The following TG variants were observed in gnomAD, a reference collection of about 807,000 sequenced individuals.
The protein encoded by TG is thyroglobulin.
Under a neutral mutation model 324.7 loss-of-function variants are expected in TG, and 270 were observed. The observed-to-expected ratio is 0.83, with a 90% confidence interval of 0.75 to 0.92. The LOEUF is 0.92. Ranked by LOEUF, TG falls within the 40% of genes least tolerant of loss-of-function variation. The pLI is 0.00. For synonymous variants in TG, 1,401 were observed against 1,327.0 expected, an observed-to-expected ratio of 1.06 and a Z score of -1.21; for missense variants, 3,591 against 3,456.4, an observed-to-expected ratio of 1.04 and a Z score of -0.98.
chr8:132,989,324 T>A (rs1011694331), intron 35 of TG, among the ~76,000 whole-genome samples: 12 of 152,194 alleles, frequency 7.9e-5, no homozygotes, highest in Non-Finnish European at 1.6e-4. Flanking sequence ...ACACAGAATA[T>A]TTAGGATTTT....
chr8:132,882,668 G>C (rs572030163), intron 7 of TG, 56 bp downstream of exon 7: 3 of 1,613,904 alleles, frequency 1.9e-6, no homozygotes, highest in African/African-American at 2.7e-5. Context: ...CGCCTCTTGG[G>C]TTTCAAAGTT....
At chr8:133,082,520 G>T (rs534533084) in intron 41 of TG, among the ~76,000 whole-genome samples, 11 of 152,208 alleles carry the variant, frequency 7.2e-5, no homozygotes, top group Non-Finnish European at 1.6e-4. Flanking sequence ...CCTGATAATC[G>T]ACTAGCTTGC....
intron 30 of TG, among the ~76,000 whole-genome samples, 169 bp downstream of exon 30, chr8:132,966,866 A>G (rs7829428): frequency 0.27 from 40,397 of 152,118 alleles, 6,436 homozygotes; most frequent in East Asian, 0.48. Context: ...ATCTTCAAGA[A>G]GGTTACAGTG....
At chr8:132,982,771 T>G (rs2130684232) in intron 34 of TG, among the ~76,000 whole-genome samples, 1 of 152,342 alleles carries the variant, frequency 6.6e-6, no homozygotes, top group South Asian at 2.1e-4. Flanking sequence ...ATGTGAAAAC[T>G]GAGGCCCAGA....
At chr8:132,887,876 G>A in intron 9 of TG, 108 bp from the exon 10 acceptor site, 1 of 1,050,728 alleles carries the variant, frequency 9.5e-7, no homozygotes, top group South Asian at 1.4e-5. Flanking sequence ...TATTTCTATG[G>A]CTATATAAGG....
intron 2 of TG, 74 bp from the exon 3 acceptor site, chr8:132,869,655 G>A (rs1226781630): frequency 1.5e-6 from 2 of 1,291,686 alleles, no homozygotes; most frequent in Non-Finnish European, 2.3e-6. Flanking sequence ...AAGAAGAAAA[G>A]TAGCCTGAGT....
chr8:132,934,485 T>C (rs2129713390), intron 24 of TG, among the ~76,000 whole-genome samples: 1 of 152,350 alleles, frequency 6.6e-6, no homozygotes, highest in East Asian at 1.9e-4. Flanking sequence ...TTAGACCCTG[T>C]CCTCCTCCAG....
intron 40 of TG, among the ~76,000 whole-genome samples, chr8:133,024,313 TCTTTC>T: frequency 6.3e-5 from 1 of 15,940 alleles, no homozygotes; most frequent in South Asian, 2.9e-3. Context: ...CCATTTTCTT[TCTTTC>T]TTTCTTTCTT....
At position 133,113,600 on chromosome 8, in the gene TG, C is replaced by G. The variant is rs775853858; in HGVS notation, c.7751C>G (p.Thr2584Ser). The change falls in exon 44 of 48, where the codon ACC becomes AGC. Residue 2584 changes from threonine (T) to serine (S), a missense_variant. By Grantham distance (58) the Thr-to-Ser change is moderately conservative. Coordinates refer to ENST00000220616, the MANE Select transcript of TG (RefSeq NM_003235.5). ...TTCTCCCGGGCTCTGGAGAATGCCA[C>G]CCGGTAAGCTAAGCTGCAGGAGGGT... ...ASFSRALENA[T>S]RDYFIICPII... 1.9e-6 allele frequency: 3 copies of G among 1,613,794 alleles called. No individual in the cohort carries two copies. Among genetic ancestry groups the G allele is most frequent in the African/African-American group, 1.3e-5 (1 of 74,904 alleles).
chr8:132,956,421 T>A (rs528394063), intron 27 of TG, among the ~76,000 whole-genome samples: 55 of 152,228 alleles, frequency 3.6e-4, no homozygotes, highest in Non-Finnish European at 6.2e-4. Flanking sequence ...AAAGAGAAGA[T>A]CTCTGAATAC....
intron 35 of TG, among the ~76,000 whole-genome samples, chr8:132,999,997 A>G (rs1401595385): frequency 6.6e-6 from 1 of 152,202 alleles, no homozygotes; most frequent in Non-Finnish European, 1.5e-5. Context: ...CTGTAACATC[A>G]CTACTATTAA....
intron 29 of TG, among the ~76,000 whole-genome samples, chr8:132,963,670 AGTGTGTGTGT>A (rs57531255): frequency 2.8e-5 from 4 of 145,188 alleles, no homozygotes; most frequent in African/African-American, 5.1e-5. Flanking sequence ...TGTGGTCTGC[AGTGTGTGTGT>A]GTGTGTGTGT....
intron 41 of TG, among the ~76,000 whole-genome samples, chr8:133,083,877 G>T (rs1410404947): frequency 6.6e-6 from 1 of 152,072 alleles, no homozygotes; most frequent in African/African-American, 2.4e-5. Context: ...TGGTCCCTCT[G>T]CACCCAGTGG....
At chr8:132,987,314 G>A (rs1463739456) in intron 35 of TG, among the ~76,000 whole-genome samples, 2 of 152,184 alleles carry the variant, frequency 1.3e-5, no homozygotes, top group African/African-American at 4.8e-5. Context: ...CTGCCTTCAG[G>A]GTGTTGAAAT....
intron 35 of TG, chr8:132,989,058 A>T (rs530346567): frequency 9.4e-4 from 219 of 232,776 alleles, no homozygotes; most frequent in Non-Finnish European, 1.4e-3. Context: ...TACGTGGATG[A>T]CAGCAGGCAA....
rs113718860 is a variant in TG, at chr8:133,047,823, C to T, written c.7239+17800C>T. 2.7e-6 allele frequency: 4 copies of T among 1,464,468 alleles called. No individual in the cohort carries two copies. The African/African-American group carries it at 4.2e-5, about 15-fold the overall frequency. The allele number at this position is 1,464,468 out of a possible 1,614,324, so 90.7% of individuals were successfully genotyped here. A position where few individuals can be genotyped will look rare whatever the true frequency, so the allele number is the denominator to read the frequency against. On this transcript the variant is annotated intron_variant, in intron 41 of 47. Transcript: ENST00000220616. ...GGATGGGGAAAGATGAGTTGGGGGC[C>T]ACTCACCTTTCTTGGTCTCACTCTC...
At chr8:132,929,228 G>A (rs1191687508) in intron 23 of TG, 36 bp downstream of exon 23, 1 of 1,526,410 alleles carries the variant, frequency 6.6e-7, no homozygotes, top group Non-Finnish European at 9.1e-7. Flanking sequence ...CTCAGAAGAA[G>A]GTGTGGAAAT....
intron 27 of TG, among the ~76,000 whole-genome samples, chr8:132,956,928 A>T (rs1826967715): frequency 6.6e-6 from 1 of 152,074 alleles, no homozygotes; most frequent in Non-Finnish European, 1.5e-5. Context: ...ATGCATGTGG[A>T]GACTGATGGA....
intron 35 of TG, among the ~76,000 whole-genome samples, chr8:133,003,620 A>G (rs987477950): frequency 4.6e-5 from 7 of 152,204 alleles, no homozygotes; most frequent in African/African-American, 1.4e-4. Flanking sequence ...AAGCTTTAAA[A>G]AAGGGGATAT....
Sources: allele counts gnomAD v4.1 joint callset (sites outside exome capture counted in the v4.1 genomes callset), GRCh38; gene constraint gnomAD v4.1.1; transcripts MANE v1.5; gene names NCBI Gene and HGNC (gene_info 2026-07-23, HGNC 2026-07-21).